Variants in ALDH1L1 observed in about 807,000 individuals in gnomAD.
ALDH1L1 encodes cytosolic 10-formyltetrahydrofolate dehydrogenase.
ALDH1L1 carries 68 observed loss-of-function variants against 101.1 expected under a neutral mutation model. That is an observed-to-expected ratio of 0.67 (90% CI 0.55 to 0.82). The LOEUF is 0.82. ALDH1L1 is among the 40% of genes least tolerant of loss of function. The pLI is 0.00. For synonymous variants in ALDH1L1, 486 were observed against 470.8 expected, an observed-to-expected ratio of 1.03 and a Z score of -0.42; for missense variants, 1,087 against 1,172.7, an observed-to-expected ratio of 0.93 and a Z score of 1.07.
chr3:126,161,077 C>T, intron 1 of ALDH1L1, 75 bp from the exon 2 acceptor site: 2 of 1,522,692 alleles, frequency 1.3e-6, no homozygotes, highest in Non-Finnish European at 1.8e-6. Context: ...CAAGACAGGG[C>T]AGTTCATGGC....
At chr3:126,143,604 A>G (rs1422582133) in intron 9 of ALDH1L1, among the ~76,000 whole-genome samples, 2 of 152,224 alleles carry the variant, frequency 1.3e-5, no homozygotes, top group African/African-American at 4.8e-5. Flanking sequence ...ATTAATCCAA[A>G]TTGTGAAGGA....
intron 1 of ALDH1L1, among the ~76,000 whole-genome samples, chr3:126,161,895 G>T (rs769212806): frequency 6.6e-6 from 1 of 151,834 alleles, no homozygotes; most frequent in Admixed American, 6.6e-5. Flanking sequence ...CATTCACCAA[G>T]AATGATGGGA....
rs184483567 is a variant in ALDH1L1, at chr3:126,133,304, G to A, written c.1473-1770C>T. On this transcript the variant is annotated intron_variant, in intron 12 of 22. Transcript: ENST00000393434. Reference sequence around the variant, plus strand: ...CCCTTGGCAGCCCTCAGACCCAGAGGCTCCCACTGCATCACTGTGTGTTGT... The same window carrying A: ...CCCTTGGCAGCCCTCAGACCCAGAGACTCCCACTGCATCACTGTGTGTTGT... Among the ~76,000 whole-genome samples, 437 of 152,270 alleles carry A rather than the reference G, an allele frequency of 2.9e-3. 1 individual carries two copies. The highest frequency in any genetic ancestry group is 9.6e-3 in the African/African-American group (397 of 41,548).
intron 7 of ALDH1L1, 156 bp from the exon 8 acceptor site, chr3:126,150,687 C>G: frequency 1.1e-6 from 1 of 879,136 alleles, no homozygotes; most frequent in Non-Finnish European, 1.6e-6. Flanking sequence ...TCCTGAATAG[C>G]TGGGATTACA....
intron 13 of ALDH1L1, 114 bp from the exon 14 acceptor site, chr3:126,130,407 T>A: frequency 3.4e-6 from 3 of 887,794 alleles, no homozygotes; most frequent in Non-Finnish European, 4.7e-6. Context: ...CCAGCTTAGG[T>A]GTGACCTGAG....
At chr3:126,167,312 C>T (rs560641046) in intron 1 of ALDH1L1, among the ~76,000 whole-genome samples, 1 of 152,252 alleles carries the variant, frequency 6.6e-6, no homozygotes, top group South Asian at 2.1e-4. Context: ...AAGGTAGTCT[C>T]CTTCTTTTCA....
At chr3:126,162,300 G>A (rs909815440) in intron 1 of ALDH1L1, among the ~76,000 whole-genome samples, 6 of 152,162 alleles carry the variant, frequency 3.9e-5, no homozygotes, top group African/African-American at 9.7e-5. Flanking sequence ...TTCCAGAGTG[G>A]TTGTATTAGT....
In ALDH1L1 at chr3:126,130,306, CA is replaced by C; in HGVS notation, c.1624-14del. 2 of 1,598,888 alleles carry C rather than the reference CA, an allele frequency of 1.3e-6. No homozygotes were observed. Among genetic ancestry groups the C allele is most frequent in the Middle Eastern group, 1.7e-4 (1 of 5,978 alleles). On this transcript the variant is annotated splice_polypyrimidine_tract_variant and intron_variant, in intron 13 of 22. Transcript: ENST00000393434. ...GGATGGTGGAGCCCTGGAAGAGGAA[CA>C]GGGGCAGTCACCCAGGGGCCCAGGG...
At chr3:126,192,976 AG>A (rs2081561468) in intron 1 of ALDH1L1, among the ~76,000 whole-genome samples, 1 of 152,216 alleles carries the variant, frequency 6.6e-6, no homozygotes, top group Non-Finnish European at 1.5e-5. Context: ...AACTGGCTAC[AG>A]GTTGGAGTTT....
chr3:126,118,335 G>A (rs958387826), intron 16 of ALDH1L1, among the ~76,000 whole-genome samples: 5 of 152,180 alleles, frequency 3.3e-5, no homozygotes, highest in Admixed American at 2.6e-4. Flanking sequence ...GAATGGGACT[G>A]TGTTTGGAGA....
intron 2 of ALDH1L1, among the ~76,000 whole-genome samples, chr3:126,160,050 A>G (rs576142460): frequency 6.6e-6 from 1 of 152,258 alleles, no homozygotes; most frequent in Non-Finnish European, 1.5e-5. Context: ...TGTTCATCCA[A>G]GCTGAGGCCC....
At chr3:126,130,107 G>C in intron 14 of ALDH1L1, 116 bp downstream of exon 14, 1 of 926,560 alleles carries the variant, frequency 1.1e-6, no homozygotes, top group Non-Finnish European at 1.5e-6. Flanking sequence ...GCACATGGAT[G>C]GCTGTTTGAT....
In ALDH1L1 at chr3:126,160,859, G is replaced by A. The variant is rs761328293; in HGVS notation, c.121C>T (p.Pro41Ser). The A allele has an allele frequency of 6.2e-7, 1 of 1,614,012 alleles. No homozygotes were observed. Among genetic ancestry groups the A allele is most frequent in the Non-Finnish European group, 8.5e-7 (1 of 1,179,922 alleles). ...TVPDKDGKAD[P>S]LGLEAEKDGV... ...GCTCCATTGGCTCACTCACCCAGGG[G>A]GTCGGCCTTTCCATCCTTGTCTGGA... Residue 41 changes from proline to serine, a missense_variant, in exon 2 of 23, where the codon CCC becomes TCC. Physicochemically the swap from Pro to Ser is moderately conservative, Grantham distance 74. Transcript: ENST00000393434.
chr3:126,180,822 A>G (rs1576506697), upstream of ALDH1L1: 2 of 1,537,520 alleles, frequency 1.3e-6, no homozygotes, highest in East Asian at 2.4e-5. Flanking sequence ...GAGAATTCCC[A>G]GGGCTTTGAA....
At chr3:126,140,243 G>T (rs1248323487) in intron 9 of ALDH1L1, among the ~76,000 whole-genome samples, 2 of 152,152 alleles carry the variant, frequency 1.3e-5, no homozygotes, top group Non-Finnish European at 2.9e-5. Context: ...AGGCCAGAAA[G>T]CAGTTGGATA....
intron 1 of ALDH1L1, among the ~76,000 whole-genome samples, chr3:126,164,159 A>G (rs2081116646): frequency 6.6e-6 from 1 of 152,106 alleles, no homozygotes; most frequent in Non-Finnish European, 1.5e-5. Flanking sequence ...AAGGCAAGGT[A>G]GGGCGGGGCA....
At chr3:126,165,992 T>C (rs2108314462) in intron 1 of ALDH1L1, among the ~76,000 whole-genome samples, 1 of 152,328 alleles carries the variant, frequency 6.6e-6, no homozygotes, top group Non-Finnish European at 1.5e-5. Context: ...TTTTTTCTAG[T>C]TCCTTTAGGT....
intron 12 of ALDH1L1, among the ~76,000 whole-genome samples, chr3:126,134,642 T>C (rs1249024760): frequency 3.9e-5 from 6 of 152,222 alleles, no homozygotes; most frequent in Admixed American, 6.5e-5. Context: ...TCTAGTTTCC[T>C]GCTGCTGGGC....
rs141756791 is a variant in ALDH1L1, at chr3:126,112,789, C to T, written c.2174G>A (p.Arg725Gln). 72 of 1,613,122 alleles carry T rather than the reference C, an allele frequency of 4.5e-5. No homozygotes were observed. The highest frequency in any genetic ancestry group is 1.7e-4 in the Middle Eastern group (1 of 6,058). Reference protein sequence around the residue: ...VEDSIHDEFVRRVVEEVRKMK... With the variant: ...VEDSIHDEFVQRVVEEVRKMK... ...CCCTGGGGCAGGACTTACCACTCTC[C>T]GCACGAACTCATCATGAATGGAGTC... The change falls in exon 19 of 23, where the codon CGG (arginine) becomes CAG (glutamine). Residue 725 changes from arginine (R) to glutamine (Q), a missense_variant. Coordinates refer to ENST00000393434, the MANE Select transcript of ALDH1L1 (RefSeq NM_012190.4).
Sources: allele counts gnomAD v4.1 joint callset (sites outside exome capture counted in the v4.1 genomes callset), GRCh38; gene constraint gnomAD v4.1.1; transcripts MANE v1.5; gene names NCBI Gene and HGNC (gene_info 2026-07-23, HGNC 2026-07-21).